The following RPH3A variants were observed in gnomAD, a reference collection of about 807,000 sequenced individuals.
The protein encoded by RPH3A is rabphilin-3A.
RPH3A carries 48 observed loss-of-function variants against 102.2 expected under a neutral mutation model. The ratio of observed to expected loss-of-function variants is 0.47; its 90% confidence interval spans 0.37 to 0.60. The LOEUF (loss-of-function observed/expected upper bound fraction) is 0.60. Ranked by LOEUF, RPH3A falls within the 20% of genes least tolerant of loss-of-function variation. The pLI is 0.00. For synonymous variants in RPH3A, 310 were observed against 324.3 expected (o/e 0.96, Z 0.47); for missense variants, 781 against 910.1 (o/e 0.86, Z 1.83).
At chr12:112,610,154 T>A (rs1417217549) in intron 1 of RPH3A, among the ~76,000 whole-genome samples, 1 of 152,318 alleles carries the variant, frequency 6.6e-6, no homozygotes, top group East Asian at 1.9e-4. Context: ...TTGCTGTTCC[T>A]TCTGGCTGGT....
At chr12:112,803,400 A>G (rs966635380) in intron 2 of RPH3A, among the ~76,000 whole-genome samples, 1 of 152,052 alleles carries the variant, frequency 6.6e-6, no homozygotes, top group Non-Finnish European at 1.5e-5. Flanking sequence ...TTCTTCATGG[A>G]GTCACAGAGC....
chr12:112,857,958 T>G (rs1265693272), intron 5 of RPH3A, among the ~76,000 whole-genome samples: 1 of 152,122 alleles, frequency 6.6e-6, no homozygotes, highest in African/African-American at 2.4e-5. Flanking sequence ...AGGGCTCCAT[T>G]CATCTGTCCA....
intron 19 of RPH3A, chr12:112,893,817 C>CCATA (rs1328193414): frequency 2.0e-5 from 3 of 152,296 alleles, no homozygotes; most frequent in Admixed American, 2.0e-4. Flanking sequence ...GCACGAGCCA[C>CCATA]CATACGCAGC....
Position 112,865,435 on chromosome 12 carries a change from A to G in RPH3A, c.252A>G (p.Glu84=), listed in dbSNP as rs1382184873. ...ERIGRLVDRL[E]NMRKNVAGDG... ...CCAGACGCCTGGTGGACCGCCTAGA[A>G]AACATGAGGAAGAACGTGGCTGGAG... The change falls in exon 6 of 22, where the codon GAA becomes GAG. Residue 84 remains glutamate (E), a synonymous_variant. Coordinates refer to ENST00000389385, the MANE Select transcript of RPH3A (RefSeq NM_001143854.2). 1 of 1,614,080 alleles carries G rather than the reference A, an allele frequency of 6.2e-7. No homozygotes were observed. The highest frequency in any genetic ancestry group is 1.7e-5 in the Admixed American group (1 of 60,022).
At chr12:112,645,711 A>G (rs1190885974) in intron 1 of RPH3A, among the ~76,000 whole-genome samples, 1 of 152,164 alleles carries the variant, frequency 6.6e-6, no homozygotes, top group Admixed American at 6.6e-5. Flanking sequence ...TCTCTTAAGT[A>G]TCTTCACAGA....
chr12:112,872,944 C>G (rs959261272), intron 10 of RPH3A, among the ~76,000 whole-genome samples: 5 of 152,190 alleles, frequency 3.3e-5, no homozygotes, highest in Admixed American at 2.6e-4. Context: ...TAATGCAGGA[C>G]TTATCACTGT....
At chr12:112,761,192 T>C (rs1435403517) in intron 1 of RPH3A, among the ~76,000 whole-genome samples, 1 of 152,196 alleles carries the variant, frequency 6.6e-6, no homozygotes, top group Non-Finnish European at 1.5e-5. Flanking sequence ...CACAGAGTTC[T>C]AAGACAAAGG....
At chr12:112,627,365 CAT>C (rs1195864780) in intron 1 of RPH3A, among the ~76,000 whole-genome samples, 1 of 148,032 alleles carries the variant, frequency 6.8e-6, no homozygotes. Context: ...TTATATGTAA[CAT>C]AATATAAATT....
intron 1 of RPH3A, among the ~76,000 whole-genome samples, chr12:112,690,186 T>C (rs1189318839): frequency 2.0e-5 from 3 of 152,202 alleles, no homozygotes; most frequent in African/African-American, 7.2e-5. Context: ...AAATAAAACA[T>C]AAAACATCAT....
At chr12:112,585,246 G>T (rs1196771711) in intron 1 of RPH3A, among the ~76,000 whole-genome samples, 2 of 152,144 alleles carry the variant, frequency 1.3e-5, no homozygotes, top group African/African-American at 4.8e-5. Context: ...GCCTCTCCTA[G>T]TTCAGTGACA....
At chr12:112,712,892 T>TTCTTCTTCTTCC (rs1184946988) in intron 1 of RPH3A, among the ~76,000 whole-genome samples, 1 of 134,648 alleles carries the variant, frequency 7.4e-6, no homozygotes, top group South Asian at 2.8e-4. Context: ...CTTCTTCTTC[T>TTCTTCTTCTTCC]TCTTCTTCTT....
chr12:112,813,887 G>A (rs2041625288), intron 2 of RPH3A, among the ~76,000 whole-genome samples: 1 of 152,096 alleles, frequency 6.6e-6, no homozygotes, highest in African/African-American at 2.4e-5. Flanking sequence ...GCCCTTGATG[G>A]GAGATAGTAT....
chr12:112,816,166 C>T (rs998312913), intron 2 of RPH3A, among the ~76,000 whole-genome samples: 22 of 152,294 alleles, frequency 1.4e-4, no homozygotes, highest in East Asian at 5.8e-4. Flanking sequence ...TTCAAATGCA[C>T]GCTCTGTTGT....
chr12:112,872,686 T>G (rs183027314), intron 10 of RPH3A, among the ~76,000 whole-genome samples: 1 of 152,344 alleles, frequency 6.6e-6, no homozygotes, highest in Non-Finnish European at 1.5e-5. Flanking sequence ...TTTTAGCCCT[T>G]ATATTTGGGT....
intron 1 of RPH3A, among the ~76,000 whole-genome samples, chr12:112,617,340 C>T (rs2039688344): frequency 1.3e-5 from 2 of 152,166 alleles, no homozygotes; most frequent in South Asian, 4.1e-4. Flanking sequence ...CTTGGGGTGG[C>T]TCAGCATCCC....
intron 1 of RPH3A, among the ~76,000 whole-genome samples, chr12:112,765,098 T>C (rs1782561909): frequency 6.6e-6 from 1 of 152,178 alleles, no homozygotes; most frequent in Non-Finnish European, 1.5e-5. Flanking sequence ...GAAGACTCTG[T>C]ATTCACTAAA....
At chr12:112,682,780 C>A (rs779122833) in intron 1 of RPH3A, among the ~76,000 whole-genome samples, 84 of 152,152 alleles carry the variant, frequency 5.5e-4, no homozygotes, top group Non-Finnish European at 9.4e-4. Flanking sequence ...CAATGGAATG[C>A]TTTAGAAGGA....
intron 5 of RPH3A, among the ~76,000 whole-genome samples, chr12:112,848,506 C>A (rs2042269719): frequency 6.6e-6 from 1 of 152,146 alleles, no homozygotes; most frequent in Non-Finnish European, 1.5e-5. Flanking sequence ...CTTGACCTCT[C>A]TGAGCCCCAG....
At chr12:112,831,103 A>ATTT (rs34625027) in intron 3 of RPH3A, among the ~76,000 whole-genome samples, 62,991 of 144,136 alleles carry the variant, frequency 0.44, 13,658 homozygotes, top group Admixed American at 0.53. Flanking sequence ...TGGGCATGGC[A>ATTT]TTTTTTTTTT....
Sources: allele counts gnomAD v4.1 joint callset (sites outside exome capture counted in the v4.1 genomes callset), GRCh38; gene constraint gnomAD v4.1.1; transcripts MANE v1.5; gene names NCBI Gene and HGNC (gene_info 2026-07-23, HGNC 2026-07-21).